Variants in ODF2L observed in about 807,000 individuals in gnomAD.
The protein encoded by ODF2L is protein BCAP.
Under a neutral mutation model 86.3 loss-of-function variants are expected in ODF2L, and 76 were observed. That is an observed-to-expected ratio of 0.88 (90% confidence interval 0.73 to 1.07). The LOEUF is 1.07. Ranked by LOEUF, ODF2L falls within the 50% of genes least tolerant of loss-of-function variation. The pLI is 0.00. For synonymous variants in ODF2L, 241 were observed against 231.3 expected (o/e 1.04, Z -0.38); for missense variants, 748 against 717.4 (o/e 1.04, Z -0.49).
At chr1:86,353,926 C>G (rs1255994190) in intron 16 of ODF2L, among the ~76,000 whole-genome samples, 1 of 152,146 alleles carries the variant, frequency 6.6e-6, no homozygotes, top group Non-Finnish European at 1.5e-5. Context: ...AGAGGGCAGA[C>G]ATACCTCTGG....
chr1:86,355,125 A>C (rs1570350156), intron 14 of ODF2L: 2 of 544,900 alleles, frequency 3.7e-6, no homozygotes, highest in East Asian at 3.0e-5. Flanking sequence ...ACTTTGAACA[A>C]CACCTTATTG....
chr1:86,374,603 T>C (rs2101076715), intron 8 of ODF2L, among the ~76,000 whole-genome samples: 1 of 152,272 alleles, frequency 6.6e-6, no homozygotes, highest in Non-Finnish European at 1.5e-5. Context: ...TCAGAATCAG[T>C]GGTCTCTCGT....
At chr1:86,376,282 T>C in exon 8 of ODF2L, 1 of 1,613,096 alleles carries the variant, frequency 6.2e-7, no homozygotes, top group Non-Finnish European at 8.5e-7. Context: ...TGTAAAATGG[T>C]CAAGCCTTTG....
chr1:86,382,212 T>A, intron 7 of ODF2L, 30 bp downstream of exon 7: 1 of 1,544,248 alleles, frequency 6.5e-7, no homozygotes, highest in East Asian at 2.4e-5. Context: ...TCACTTAAGC[T>A]ATAAAAATGG....
chr1:86,373,519 T>C (rs1439673716), intron 8 of ODF2L, among the ~76,000 whole-genome samples: 1 of 149,314 alleles, frequency 6.7e-6, no homozygotes, highest in Non-Finnish European at 1.5e-5. Context: ...ACATATATAT[T>C]GATATATATA....
intron 8 of ODF2L, among the ~76,000 whole-genome samples, chr1:86,373,355 C>T (rs1204839528): frequency 6.7e-6 from 1 of 149,474 alleles, no homozygotes; most frequent in Non-Finnish European, 1.5e-5. Flanking sequence ...TGGTTCACTG[C>T]AGCCTCCAAC....
chr1:86,389,564 GA>G (rs66716003), intron 1 of ODF2L, among the ~76,000 whole-genome samples: 1,235 of 121,932 alleles, frequency 0.01, 12 homozygotes, highest in African/African-American at 0.029. Context: ...AAATGAAACT[GA>G]AAAAAAAAAA....
downstream of ODF2L, chr1:86,349,363 CACAAT>C (rs1318384802): frequency 7.2e-5 from 11 of 152,078 alleles, no homozygotes; most frequent in Admixed American, 3.9e-4. Context: ...AATTTAAAAC[CACAAT>C]ACATTTTTTT....
At position 86,358,709 on chromosome 1, in the gene ODF2L, C is replaced by A. The variant is rs186231450; in HGVS notation, c.1359+78G>T. 1,120 of 574,104 alleles carry A rather than the reference C, an allele frequency of 2.0e-3. 9 individuals are homozygous for A. In the African/African-American group the frequency reaches 0.02, roughly 10 times the overall value. The allele number at this position is 574,104 out of a possible 1,614,324, so 35.6% of individuals were successfully genotyped here. ...CCTAAGTATGAACTAGAGAAAATGA[C>A]CAAAATGAATGAATTTGTGTACTAT... On this transcript the variant is annotated intron_variant, in intron 13 of 17. Transcript: ENST00000317336.
intron 1 of ODF2L, 73 bp downstream of exon 1, chr1:86,395,960 G>A (rs906909773): frequency 6.6e-6 from 1 of 152,274 alleles, no homozygotes; most frequent in Admixed American, 6.5e-5. Flanking sequence ...GACCGCTAAG[G>A]GCTCCCGCGG....
intron 8 of ODF2L, among the ~76,000 whole-genome samples, chr1:86,373,227 T>C (rs1659930849): frequency 6.6e-6 from 1 of 152,018 alleles, no homozygotes; most frequent in African/African-American, 2.4e-5. Context: ...TTAAAAGATG[T>C]TGCAACTATT....
intron 7 of ODF2L, among the ~76,000 whole-genome samples, chr1:86,380,784 A>C (rs529833052): frequency 2.0e-5 from 3 of 152,238 alleles, no homozygotes; most frequent in African/African-American, 7.2e-5. Flanking sequence ...AAACGTTCTA[A>C]TTCTAATTGC....
At chr1:86,359,691 T>C (rs1349829853) in intron 12 of ODF2L, among the ~76,000 whole-genome samples, 1 of 151,906 alleles carries the variant, frequency 6.6e-6, no homozygotes, top group East Asian at 1.9e-4. Context: ...ACCTGGCTAA[T>C]TTTTGTATTT....
chr1:86,363,557 C>G (rs1332972667), intron 11 of ODF2L, among the ~76,000 whole-genome samples: 1 of 151,704 alleles, frequency 6.6e-6, no homozygotes, highest in Non-Finnish European at 1.5e-5. Flanking sequence ...TCTCTTTTGA[C>G]CATACAGTTA....
chr1:86,380,901 A>G (rs1383503709), intron 7 of ODF2L, among the ~76,000 whole-genome samples: 1 of 151,944 alleles, frequency 6.6e-6, no homozygotes, highest in Non-Finnish European at 1.5e-5. Context: ...AAATTACTCA[A>G]CACTAAAAAG....
At chr1:86,384,523 T>C (rs1280079515) in intron 4 of ODF2L, among the ~76,000 whole-genome samples, 153 bp downstream of exon 4, 1 of 151,824 alleles carries the variant, frequency 6.6e-6, no homozygotes, top group Non-Finnish European at 1.5e-5. Flanking sequence ...TACAACTACT[T>C]ATGAAACACT....
chr1:86,382,955 A>C (rs755788568), exon 6 of ODF2L: 1 of 1,569,220 alleles, frequency 6.4e-7, no homozygotes, highest in African/African-American at 1.4e-5. Context: ...ACAAACAAGA[A>C]AGTTCTTGGA....
chr1:86,372,492 G>A, exon 9 of ODF2L: 1 of 1,527,482 alleles, frequency 6.5e-7, no homozygotes, highest in Admixed American at 2.2e-5. Flanking sequence ...TTCTCATAAT[G>A]ACTTTTCCAG....
exon 18 of ODF2L, chr1:86,351,977 C>A: frequency 7.9e-7 from 1 of 1,266,802 alleles, no homozygotes; most frequent in Non-Finnish European, 1.0e-6. Flanking sequence ...ACACATTTTA[C>A]AATATCAGAA....
Sources: gnomAD v4.1 joint callset for allele counts (sites outside exome capture counted in the v4.1 genomes callset) on GRCh38, gnomAD v4.1.1 for gene constraint, MANE v1.5 for transcripts, NCBI Gene and HGNC (gene_info 2026-07-23, HGNC 2026-07-21) for gene names.